The following SMIM31 variants were observed in gnomAD, a reference collection of about 807,000 sequenced individuals.
The protein encoded by SMIM31 is small integral membrane protein 31.
intron 2 of SMIM31, among the ~76,000 whole-genome samples, chr4:164,784,824 G>C (rs909942785): frequency 1.3e-4 from 20 of 151,808 alleles, no homozygotes; most frequent in African/African-American, 4.8e-4. Flanking sequence ...GAAGAAATTA[G>C]TAGCCATACA....
At chr4:164,763,773 G>C (rs1258088317) in intron 1 of SMIM31, among the ~76,000 whole-genome samples, 5 of 152,098 alleles carry the variant, frequency 3.3e-5, no homozygotes, top group Non-Finnish European at 7.4e-5. Flanking sequence ...TTAAAAGAAG[G>C]CATAGAATAC....
intron 2 of SMIM31, among the ~76,000 whole-genome samples, chr4:164,771,271 A>G (rs1732798330): frequency 6.6e-6 from 1 of 152,224 alleles, no homozygotes; most frequent in Non-Finnish European, 1.5e-5. Context: ...ACATAATTGG[A>G]ATCCATAAAA....
chr4:164,758,496 A>G (rs1179709765), intron 1 of SMIM31, among the ~76,000 whole-genome samples: 2 of 152,114 alleles, frequency 1.3e-5, no homozygotes, highest in Admixed American at 1.3e-4. Context: ...TAAGTTTTTC[A>G]TACATGTCCT....
At chr4:164,789,870 G>A (rs1733077626) in intron 2 of SMIM31, among the ~76,000 whole-genome samples, 1 of 152,072 alleles carries the variant, frequency 6.6e-6, no homozygotes, top group Non-Finnish European at 1.5e-5. Flanking sequence ...AGATCTCTTA[G>A]TTATTTCCAG....
chr4:164,792,246 T>G (rs1298997077), intron 2 of SMIM31, among the ~76,000 whole-genome samples: 1 of 152,186 alleles, frequency 6.6e-6, no homozygotes, highest in Non-Finnish European at 1.5e-5. Flanking sequence ...TTCAAAGCGG[T>G]TTCTTGAAAG....
chr4:164,758,149 T>C (rs1259769971), intron 1 of SMIM31, among the ~76,000 whole-genome samples: 1 of 152,116 alleles, frequency 6.6e-6, no homozygotes, highest in African/African-American at 2.4e-5. Flanking sequence ...GAATTCTATT[T>C]AAAATATAAT....
chr4:164,770,451 T>G lies in SMIM31; in HGVS notation c.8T>G (p.Leu3Arg). ...AGTTTTCGGTGGTGGTTCATGGAGC[T>G]TCCCTACACCAACTTGGAAATGGCA... ME[L>R]PYTNLEMAFI... The change falls in exon 2 of 3, where the codon CTT becomes CGT. Residue 3 changes from leucine (L) to arginine (R), a missense_variant. Coordinates refer to ENST00000507311, the MANE Select transcript of SMIM31 (RefSeq NM_001352885.1). 1 of 399,002 alleles carries G rather than the reference T, an allele frequency of 2.5e-6. No homozygotes were observed. Among genetic ancestry groups the G allele is most frequent in the Non-Finnish European group, 4.4e-6 (1 of 226,028 alleles). The allele number at this position is 399,002 out of a possible 1,614,324, so 24.7% of individuals were successfully genotyped here.
chr4:164,788,692 T>C (rs550578082), intron 2 of SMIM31, among the ~76,000 whole-genome samples: 2 of 151,518 alleles, frequency 1.3e-5, no homozygotes, highest in Non-Finnish European at 2.9e-5. Flanking sequence ...TTTCTCCATG[T>C]TGAGGCTGGT....
At chr4:164,768,630 G>A (rs963571100) in intron 1 of SMIM31, among the ~76,000 whole-genome samples, 1 of 151,970 alleles carries the variant, frequency 6.6e-6, no homozygotes, top group African/African-American at 2.4e-5. Context: ...ATGAGCACAG[G>A]GTACTACATA....
chr4:164,790,207 A>C (rs1733082222), intron 2 of SMIM31, among the ~76,000 whole-genome samples: 2 of 152,230 alleles, frequency 1.3e-5, no homozygotes, highest in Admixed American at 1.3e-4. Flanking sequence ...ATGAAATGCT[A>C]TGATGACTAA....
rs940031971 is a variant in SMIM31, at chr4:164,760,140, A to G, written c.-26+5729A>G. Among the ~76,000 whole-genome samples the G allele has an allele frequency of 2.0e-5, 3 of 152,190 alleles. No individual in the cohort carries two copies. The South Asian group carries it at 6.2e-4, about 32-fold the overall frequency. The stretch of plus-strand genomic sequence containing the variant: ...TGGAGGAAATGACGGGGAGGAAAGT[A>G]GGAGAGAAAGTCAGAGACAAAGCAG... On this transcript the variant is annotated intron_variant, in intron 1 of 2. Coordinates refer to ENST00000507311, the MANE Select transcript of SMIM31 (RefSeq NM_001352885.1).
At chr4:164,797,934 G>A (rs1733226248) in intron 2 of SMIM31, among the ~76,000 whole-genome samples, 1 of 152,034 alleles carries the variant, frequency 6.6e-6, no homozygotes, top group African/African-American at 2.4e-5. Flanking sequence ...CACTCTGAAT[G>A]TTCATTTGTA....
intron 1 of SMIM31, among the ~76,000 whole-genome samples, chr4:164,758,651 T>TTTTGTG (rs1732601206): frequency 6.9e-6 from 1 of 144,202 alleles, no homozygotes. Context: ...TTTTTTTTTT[T>TTTTGTG]GAGACGGAGT....
chr4:164,788,191 C>T (rs146626134), intron 2 of SMIM31, among the ~76,000 whole-genome samples: 5 of 152,138 alleles, frequency 3.3e-5, no homozygotes, highest in Non-Finnish European at 2.9e-5. Flanking sequence ...GTAATAATTA[C>T]GTTTCAGAAA....
chr4:164,784,830 A>C (rs73003126), intron 2 of SMIM31, among the ~76,000 whole-genome samples: 1 of 151,902 alleles, frequency 6.6e-6, no homozygotes, highest in Admixed American at 6.6e-5. Flanking sequence ...ATTAGTAGCC[A>C]TACACAAAAT....
intron 1 of SMIM31, among the ~76,000 whole-genome samples, chr4:164,770,027 T>C (rs1732772900): frequency 6.6e-6 from 1 of 152,188 alleles, no homozygotes; most frequent in Non-Finnish European, 1.5e-5. Flanking sequence ...GGTACCTCAC[T>C]TACAGAGTTA....
intron 1 of SMIM31, among the ~76,000 whole-genome samples, chr4:164,769,372 C>A (rs112380877): frequency 0.019 from 2,842 of 152,108 alleles, 90 homozygotes; most frequent in African/African-American, 0.063. Flanking sequence ...CTTTGCTTAA[C>A]CCATTGTATC....
At chr4:164,758,999 T>C (rs1732610792) in intron 1 of SMIM31, among the ~76,000 whole-genome samples, 1 of 151,568 alleles carries the variant, frequency 6.6e-6, no homozygotes, top group Non-Finnish European at 1.5e-5. Context: ...TTTATTCTGT[T>C]AATAGAGAAC....
rs188832760 is a variant in SMIM31 at position 164,760,839 on chromosome 4, G to A, written c.-26+6428G>A. Among the ~76,000 whole-genome samples the A allele has an allele frequency of 2.0e-3, 304 of 151,816 alleles. 4 individuals are homozygous for A. Among genetic ancestry groups the A allele is most frequent in the African/African-American group, 7.0e-3 (288 of 41,420 alleles). On this transcript the variant is annotated intron_variant, in intron 1 of 2. Transcript: ENST00000507311. Reference sequence around the variant, plus strand: ...GATAGGAGTCAAGGATGACTTTGAGGATTTTATCCTGAACAACTAGAAACA... The same window carrying A: ...GATAGGAGTCAAGGATGACTTTGAGAATTTTATCCTGAACAACTAGAAACA...
Sources: gnomAD v4.1 joint callset for allele counts (sites outside exome capture counted in the v4.1 genomes callset) on GRCh38, gnomAD v4.1.1 for gene constraint, MANE v1.5 for transcripts, NCBI Gene and HGNC (gene_info 2026-07-23, HGNC 2026-07-21) for gene names.